CHIC1: variants seen among roughly 807,000 people sequenced by gnomAD.
CHIC1 encodes cysteine rich hydrophobic domain 1.
CHIC1 carries 7 observed loss-of-function variants against 18.5 expected under a neutral mutation model. That is an observed-to-expected ratio of 0.38 (90% CI 0.22 to 0.71). CHIC1 has a LOEUF of 0.71. Among genes scored for constraint, CHIC1 ranks in the 30% least tolerant of loss-of-function variants. The probability of loss-of-function intolerance (pLI) is 0.49; values close to 1 mark genes in which losing one functional copy is unlikely to be tolerated. For synonymous variants in CHIC1, 77 were observed against 73.5 expected (o/e 1.05, Z -0.25); for missense variants, 159 against 176.9 (o/e 0.90, Z 0.57).
At chrX:73,663,909 C>T (rs2057992648) in intron 3 of CHIC1, among the ~76,000 whole-genome samples, 1 of 111,694 alleles carries the variant, frequency 9.0e-6, no homozygotes, top group Non-Finnish European at 1.9e-5. Flanking sequence ...CCGGTAAGCA[C>T]ATTAATTCCT....
At chrX:73,643,410 A>G (rs1277621699) in intron 3 of CHIC1, among the ~76,000 whole-genome samples, 40 of 109,753 alleles carry the variant, frequency 3.6e-4, no homozygotes, top group African/African-American at 1.3e-3. Flanking sequence ...TCTGAATGTT[A>G]GCCTGCCTTG....
rs2058097759 is a variant in CHIC1 at position 73,681,157 on chromosome X, A to G, written c.*152A>G. 2.3e-6 allele frequency: 1 copy of G among 427,497 alleles called. No individual in the cohort carries two copies. The highest frequency in any genetic ancestry group is 2.6e-5 in the African/African-American group (1 of 39,007). The allele number at this position is 427,497 out of a possible 1,213,427, so 35.2% of individuals were successfully genotyped here. ...CGCTCTTTTGTGTTGGTTTATGAAG[A>G]AAATTTGCACATCTTTTTTGTCTTT... On this transcript the variant is annotated 3_prime_UTR_variant, in exon 6 of 6. Coordinates refer to ENST00000373502, the MANE Select transcript of CHIC1 (RefSeq NM_001039840.4).
intron 3 of CHIC1, among the ~76,000 whole-genome samples, chrX:73,656,171 GT>G (rs1480671290): frequency 9.0e-6 from 1 of 111,409 alleles, no homozygotes; most frequent in East Asian, 2.8e-4. Flanking sequence ...TGTTAAGTTT[GT>G]TTAAGGTCCT....
Position 73,662,931 on chromosome X carries a change from C to T in CHIC1, c.508-16395C>T, listed in dbSNP as rs149482371. On this transcript the variant is annotated intron_variant, in intron 3 of 5. Coordinates refer to ENST00000373502, the MANE Select transcript of CHIC1 (RefSeq NM_001039840.4). ...AAGCTTGATTTACATGATACTGACACGTGGTAGGACTGTTCAGCATTCCTT... is the reference window on the plus strand; with the variant it reads ...AAGCTTGATTTACATGATACTGACATGTGGTAGGACTGTTCAGCATTCCTT... Among the ~76,000 whole-genome samples, 158 of 111,942 alleles carry T rather than the reference C, an allele frequency of 1.4e-3. 5 individuals are homozygous for T. The East Asian group carries it at 0.042, about 30-fold the overall frequency.
chrX:73,677,714 C>T (rs6607917), intron 3 of CHIC1, among the ~76,000 whole-genome samples: 2,721 of 112,245 alleles, frequency 0.024, 85 homozygotes, highest in African/African-American at 0.082. Flanking sequence ...CGCCCTGCTT[C>T]GGCTCGCACA....
chrX:73,680,647 A>G (rs902335640), intron 5 of CHIC1, among the ~76,000 whole-genome samples: 5 of 110,693 alleles, frequency 4.5e-5, no homozygotes, highest in African/African-American at 1.6e-4. Flanking sequence ...GGTGTGGGGG[A>G]AAAACATAAT....
chrX:73,629,220 G>C (rs1292789860), intron 3 of CHIC1, among the ~76,000 whole-genome samples: 1 of 110,459 alleles, frequency 9.1e-6, no homozygotes, highest in East Asian at 2.8e-4. Context: ...CCTCATATCA[G>C]ATATATTGTT....
At chrX:73,673,211 G>C (rs1417850113) in intron 3 of CHIC1, among the ~76,000 whole-genome samples, 1 of 111,640 alleles carries the variant, frequency 9.0e-6, no homozygotes, top group Non-Finnish European at 1.9e-5. Flanking sequence ...TTTTGGCTTA[G>C]GATTGACTTG....
At chrX:73,651,773 T>C (rs1460768482) in intron 3 of CHIC1, among the ~76,000 whole-genome samples, 4 of 111,661 alleles carry the variant, frequency 3.6e-5, no homozygotes, top group Non-Finnish European at 7.5e-5. Flanking sequence ...TCCATGCTCA[T>C]GGATAGGAAG....
intron 3 of CHIC1, among the ~76,000 whole-genome samples, chrX:73,608,665 AT>A (rs1284734713): frequency 9.4e-6 from 1 of 106,911 alleles, no homozygotes; most frequent in South Asian, 3.8e-4. Flanking sequence ...TGTAAATTGA[AT>A]TTTTTTTCAT....
intron 3 of CHIC1, among the ~76,000 whole-genome samples, chrX:73,640,055 CA>C (rs2057847971): frequency 9.0e-6 from 1 of 111,267 alleles, no homozygotes. Context: ...CCAGGATTTC[CA>C]ATACAATATT....
chrX:73,679,634 A>G lies in CHIC1; in HGVS notation c.565-20A>G. 9.5e-7 allele frequency: 1 copy of G among 1,055,884 alleles called. No individual in the cohort carries two copies. Among genetic ancestry groups the G allele is most frequent in the Non-Finnish European group, 1.3e-6 (1 of 795,796 alleles). 87.0% of individuals were successfully genotyped at this position (1,055,884 alleles called of 1,213,427 possible). ...GTTTAAGTTAATATAAAAATTCTTAACAAGACTATACTTTCTTAGCTTGCT... is the reference window on the plus strand; with the variant it reads ...GTTTAAGTTAATATAAAAATTCTTAGCAAGACTATACTTTCTTAGCTTGCT... On this transcript the variant is annotated intron_variant, in intron 4 of 5. Transcript: ENST00000373502.
At position 73,564,562 on chromosome X, in the gene CHIC1, G is replaced by C. The variant is rs1460705856; in HGVS notation, c.296+982G>C. On this transcript the variant is annotated intron_variant, in intron 1 of 5. Transcript: ENST00000373502. ...AAAGAGTGCTTCCTCATTTTTATTT[G>C]CTTGGACCATAACTATTTGGAAGTT... 6.3e-5 allele frequency among the ~76,000 whole-genome samples: 7 copies of C among 111,020 alleles called. No homozygotes were observed. The Admixed American group carries it at 6.7e-4, about 11-fold the overall frequency.
At position 73,686,011 on chromosome X, in the gene CHIC1, T is replaced by C. The variant is rs750099390; in HGVS notation, c.*5006T>C. 1.8e-5 allele frequency: 2 copies of C among 111,515 alleles called. No individual in the cohort carries two copies. The highest frequency in any genetic ancestry group is 3.2e-5 in the African/African-American group (1 of 30,836). 9.2% of individuals were successfully genotyped at this position (111,515 alleles called of 1,213,427 possible). On this transcript the variant is annotated 3_prime_UTR_variant, in exon 6 of 6. Transcript: ENST00000373502. Reference sequence around the variant, plus strand: ...TTAGAAATTATACATTTACCCATAATATTCCTGCTTCACAAGTCAATTAAG... The same window carrying C: ...TTAGAAATTATACATTTACCCATAACATTCCTGCTTCACAAGTCAATTAAG...
At chrX:73,659,153 A>G (rs1300034944) in intron 3 of CHIC1, among the ~76,000 whole-genome samples, 1 of 112,019 alleles carries the variant, frequency 8.9e-6, no homozygotes, top group Non-Finnish European at 1.9e-5. Flanking sequence ...ATTAAAGGCC[A>G]GGTTCCAAGG....
intron 1 of CHIC1, among the ~76,000 whole-genome samples, chrX:73,574,820 T>C (rs1214531494): frequency 3.6e-5 from 4 of 110,583 alleles, no homozygotes. Context: ...TCTTTTTTCT[T>C]TGTTATTCTA....
chrX:73,609,533 C>T (rs1020334946), intron 3 of CHIC1, among the ~76,000 whole-genome samples: 1 of 109,051 alleles, frequency 9.2e-6, no homozygotes, highest in Non-Finnish European at 1.9e-5. Flanking sequence ...TCCCGAGTAG[C>T]GGCATCTACA....
In CHIC1 at chrX:73,584,575, G is replaced by A. The variant is rs1245991189; in HGVS notation, c.507+3G>A. 2 of 1,125,435 alleles carry A rather than the reference G, an allele frequency of 1.8e-6. No homozygotes were observed. Among genetic ancestry groups the A allele is most frequent in the African/African-American group, 1.8e-5 (1 of 54,796 alleles). The allele number at this position is 1,125,435 out of a possible 1,213,427, so 92.7% of individuals were successfully genotyped here. ...CTGTTATTTGTCTCAACAAAAGAGT[G>A]AGTAACTGTTTTATTGTATAATAAT... On this transcript the variant is annotated splice_donor_region_variant and intron_variant, in intron 3 of 5. Transcript: ENST00000373502.
chrX:73,627,092 T>G (rs896495867), intron 3 of CHIC1, among the ~76,000 whole-genome samples: 1 of 105,433 alleles, frequency 9.5e-6, no homozygotes, highest in Non-Finnish European at 1.9e-5. Context: ...GGAAGAATTA[T>G]CTGTATTTCC....
Sources: allele counts gnomAD v4.1 joint callset (sites outside exome capture counted in the v4.1 genomes callset), GRCh38; gene constraint gnomAD v4.1.1; transcripts MANE v1.5; gene names NCBI Gene and HGNC (gene_info 2026-07-23, HGNC 2026-07-21).